The following CCBE1 variants were observed in gnomAD, a reference collection of about 807,000 sequenced individuals.
The protein encoded by CCBE1 is collagen and calcium binding EGF domains 1.
A neutral mutation model predicts 50.0 loss-of-function variants in CCBE1; 37 were observed. The observed-to-expected ratio is 0.74, with a 90% CI of 0.57 to 0.97. The LOEUF (loss-of-function observed/expected upper bound fraction) is 0.97, where lower values mean the gene tolerates loss of function less well. Among genes scored for constraint, CCBE1 ranks in the 50% least tolerant of loss-of-function variants. The pLI, the probability that CCBE1 is intolerant of heterozygous loss-of-function variation, is 0.00. For missense variants in CCBE1, 538 were observed against 523.8 expected (o/e 1.03, Z -0.26); for synonymous variants, 234 against 203.7 (o/e 1.15, Z -1.27).
intron 2 of CCBE1, among the ~76,000 whole-genome samples, chr18:59,543,766 T>A (rs1454519355): frequency 7.9e-6 from 1 of 127,162 alleles, no homozygotes; most frequent in Non-Finnish European, 1.6e-5. Flanking sequence ...ACCCGGGAGG[T>A]GGAGCTTGCA....
intron 5 of CCBE1, chr18:59,462,417 T>A (rs1911529422): frequency 6.6e-6 from 1 of 152,192 alleles, no homozygotes; most frequent in African/African-American, 2.4e-5. Flanking sequence ...TCTTTTCTTT[T>A]TTTTTTGAGA....
intron 5 of CCBE1, chr18:59,465,018 T>G (rs1015946920): frequency 6.6e-6 from 1 of 152,300 alleles, no homozygotes; most frequent in Admixed American, 6.5e-5. Flanking sequence ...AGCAGCTTCC[T>G]GGGCTACAAG....
At position 59,697,369 on chromosome 18, in the gene CCBE1, C is replaced by A. The variant is rs767364494; in HGVS notation, c.-27G>T. ...AGGGAAGCTCCCGGCTTCTTCCCAG[C>A]GCCGAGCTCCGTCCGGACCAAGCGT... On this transcript the variant is annotated 5_prime_UTR_variant, in exon 1 of 11. Transcript: ENST00000439986. The A allele has an allele frequency of 6.3e-4, 966 of 1,541,510 alleles. 1 individual carries two copies. Among genetic ancestry groups the A allele is most frequent in the Non-Finnish European group, 7.7e-4 (885 of 1,145,740 alleles).
rs377387577 is a variant in CCBE1 at position 59,477,824 on chromosome 18, C to G, written c.265+2362G>C. 3.3e-5 allele frequency among the ~76,000 whole-genome samples: 5 copies of G among 152,222 alleles called. No individual in the cohort carries two copies. In the East Asian group the frequency reaches 7.7e-4, roughly 24 times the overall value. Reference sequence around the variant, plus strand: ...CATACAACTTTGTTATTGCCTTTATCTGGAGATTAGGTATGGTTTAAGAAG... The same window carrying G: ...CATACAACTTTGTTATTGCCTTTATGTGGAGATTAGGTATGGTTTAAGAAG... On this transcript the variant is annotated intron_variant, in intron 3 of 10. Coordinates refer to ENST00000439986, the MANE Select transcript of CCBE1 (RefSeq NM_133459.4).
chr18:59,597,883 A>T (rs1291693493), intron 2 of CCBE1, among the ~76,000 whole-genome samples: 3 of 152,210 alleles, frequency 2.0e-5, no homozygotes, highest in Non-Finnish European at 4.4e-5. Flanking sequence ...AAAATATTTG[A>T]GGATACTTCC....
intron 2 of CCBE1, among the ~76,000 whole-genome samples, chr18:59,643,100 C>CTGA (rs1390121648): frequency 1.3e-5 from 2 of 152,156 alleles, no homozygotes; most frequent in Non-Finnish European, 2.9e-5. Flanking sequence ...AGTCTGCACT[C>CTGA]TGATGACTCC....
At chr18:59,450,863 A>T (rs1910898129) in intron 6 of CCBE1, among the ~76,000 whole-genome samples, 1 of 152,180 alleles carries the variant, frequency 6.6e-6, no homozygotes, top group African/African-American at 2.4e-5. Context: ...GATTCCCAAT[A>T]ATCCTGGGAA....
rs375780300 is a variant in CCBE1, at chr18:59,595,825, G to T, written c.212+100804C>A. Reference sequence around the variant, plus strand: ...ATTACATTTTAATACCAGGATGAGGGAGTTAAGGCTTTATCAAGTGGGTAC... The same window carrying T: ...ATTACATTTTAATACCAGGATGAGGTAGTTAAGGCTTTATCAAGTGGGTAC... On this transcript the variant is annotated intron_variant, in intron 2 of 10. Transcript: ENST00000439986. 3.9e-4 allele frequency among the ~76,000 whole-genome samples: 59 copies of T among 152,296 alleles called. 1 individual carries two copies. The South Asian group carries it at 0.012, about 32-fold the overall frequency.
At chr18:59,597,714 T>A (rs62094362) in intron 2 of CCBE1, among the ~76,000 whole-genome samples, 1,750 of 152,284 alleles carry the variant, frequency 0.011, 18 homozygotes, top group Non-Finnish European at 0.019. Context: ...TGTTTCTTCA[T>A]CTTTGGTCTC....
intron 2 of CCBE1, among the ~76,000 whole-genome samples, chr18:59,662,297 G>C (rs2054296810): frequency 6.6e-6 from 1 of 152,186 alleles, no homozygotes; most frequent in Non-Finnish European, 1.5e-5. Context: ...CACAGCTCTG[G>C]ATGTGTCCTT....
intron 2 of CCBE1, among the ~76,000 whole-genome samples, chr18:59,545,015 G>T (rs1234785818): frequency 1.3e-5 from 2 of 152,148 alleles, no homozygotes; most frequent in Non-Finnish European, 2.9e-5. Flanking sequence ...AATTGAAAGA[G>T]CTCAAAACTA....
chr18:59,442,330 G>A (rs536572038), intron 7 of CCBE1, among the ~76,000 whole-genome samples: 6 of 152,314 alleles, frequency 3.9e-5, no homozygotes, highest in East Asian at 1.9e-4. Context: ...GTACATGCTT[G>A]CAGTATATCT....
chr18:59,551,026 AAAAG>A (rs1334242579), intron 2 of CCBE1, among the ~76,000 whole-genome samples: 5 of 117,724 alleles, frequency 4.2e-5, no homozygotes, highest in Non-Finnish European at 5.3e-5. Context: ...AAAAAAAAAA[AAAAG>A]AAAAGAAAAG....
intron 2 of CCBE1, among the ~76,000 whole-genome samples, chr18:59,522,080 G>A (rs1914623339): frequency 6.7e-6 from 1 of 149,644 alleles, no homozygotes; most frequent in South Asian, 2.1e-4. Flanking sequence ...GAAATTCATT[G>A]GCTACATTAT....
chr18:59,691,842 A>C (rs1398294422), intron 2 of CCBE1, among the ~76,000 whole-genome samples: 1 of 152,168 alleles, frequency 6.6e-6, no homozygotes, highest in Non-Finnish European at 1.5e-5. Flanking sequence ...GGAGAGAGAA[A>C]TCAGAATGGG....
intron 2 of CCBE1, among the ~76,000 whole-genome samples, chr18:59,652,028 TC>T (rs1435032752): frequency 2.6e-5 from 4 of 152,232 alleles, no homozygotes; most frequent in Non-Finnish European, 5.9e-5. Flanking sequence ...TCCTTCCCTC[TC>T]CCACCCTTCC....
chr18:59,591,289 A>T (rs1170298869), intron 2 of CCBE1, among the ~76,000 whole-genome samples: 1 of 143,732 alleles, frequency 7.0e-6, no homozygotes, highest in Non-Finnish European at 1.5e-5. Context: ...AAAAAAAAAA[A>T]GCTGCTAAGT....
intron 2 of CCBE1, among the ~76,000 whole-genome samples, chr18:59,682,534 G>A (rs965957602): frequency 2.0e-5 from 3 of 152,132 alleles, no homozygotes; most frequent in African/African-American, 7.2e-5. Context: ...CATTTCCTTA[G>A]AGAACTCTCC....
chr18:59,454,466 G>C (rs1411079011), intron 6 of CCBE1, among the ~76,000 whole-genome samples: 1 of 152,144 alleles, frequency 6.6e-6, no homozygotes, highest in African/African-American at 2.4e-5. Context: ...GGCTGGTCTT[G>C]AACTCCTGAC....
Sources: gnomAD v4.1 joint callset for allele counts (sites outside exome capture counted in the v4.1 genomes callset) on GRCh38, gnomAD v4.1.1 for gene constraint, MANE v1.5 for transcripts, NCBI Gene and HGNC (gene_info 2026-07-23, HGNC 2026-07-21) for gene names.